LCLAT1: variants seen among roughly 807,000 people sequenced by gnomAD.
The protein encoded by LCLAT1 is 1-AGP acyltransferase 8.
A neutral mutation model predicts 30.7 loss-of-function variants in LCLAT1; 11 were observed. That is an observed-to-expected ratio of 0.36 (90% CI 0.23 to 0.59). The LOEUF (loss-of-function observed/expected upper bound fraction) is 0.59, where lower values mean the gene tolerates loss of function less well. Among genes scored for constraint, LCLAT1 ranks in the 20% least tolerant of loss-of-function variants. LCLAT1 has a pLI of 0.77. For missense variants in LCLAT1, 402 were observed against 458.6 expected (o/e 0.88, Z 1.13); for synonymous variants, 155 against 151.3 (o/e 1.02, Z -0.18).
chr2:30,516,256 A>G (rs1292357279), intron 1 of LCLAT1, among the ~76,000 whole-genome samples: 2 of 152,144 alleles, frequency 1.3e-5, no homozygotes, highest in South Asian at 2.1e-4. Flanking sequence ...TTTTCACTCT[A>G]TTAAATCTTG....
chr2:30,603,050 A>T (rs1022823477), intron 5 of LCLAT1, among the ~76,000 whole-genome samples: 1 of 152,198 alleles, frequency 6.6e-6, no homozygotes, highest in Non-Finnish European at 1.5e-5. Context: ...GTAAATGAGG[A>T]TAATAAAGCT....
At chr2:30,482,093 G>C (rs573312866) in intron 1 of LCLAT1, among the ~76,000 whole-genome samples, 43 of 152,252 alleles carry the variant, frequency 2.8e-4, no homozygotes, top group Middle Eastern at 3.4e-3. Context: ...TATAAGCCTT[G>C]AAAGTTATGC....
At chr2:30,559,778 A>G (rs1665106695) in intron 3 of LCLAT1, among the ~76,000 whole-genome samples, 1 of 152,174 alleles carries the variant, frequency 6.6e-6, no homozygotes, top group South Asian at 2.1e-4. Context: ...GGCTCTTGCA[A>G]GTTAATTAGG....
At chr2:30,540,071 G>A (rs574256190) in intron 3 of LCLAT1, among the ~76,000 whole-genome samples, 43 of 152,274 alleles carry the variant, frequency 2.8e-4, no homozygotes, top group Non-Finnish European at 5.3e-4. Context: ...ACAAAGAGTT[G>A]TATACAGAAA....
At chr2:30,518,359 T>C (rs1372446259) in intron 1 of LCLAT1, among the ~76,000 whole-genome samples, 1 of 152,140 alleles carries the variant, frequency 6.6e-6, no homozygotes, top group Non-Finnish European at 1.5e-5. Context: ...TATTCAGTAA[T>C]TGATAGGAAA....
At chr2:30,593,631 C>T (rs978748588) in intron 5 of LCLAT1, among the ~76,000 whole-genome samples, 9 of 152,046 alleles carry the variant, frequency 5.9e-5, no homozygotes, top group Admixed American at 3.9e-4. Flanking sequence ...CTGCAAATTG[C>T]TTTGGGTAAT....
chr2:30,634,090 A>C (rs118130456), intron 5 of LCLAT1, among the ~76,000 whole-genome samples: 3 of 152,338 alleles, frequency 2.0e-5, no homozygotes, highest in East Asian at 3.9e-4. Context: ...TGAATAAAGT[A>C]CTCAAGATTT....
chr2:30,525,990 A>G (rs1305567598), intron 2 of LCLAT1, among the ~76,000 whole-genome samples: 1 of 152,164 alleles, frequency 6.6e-6, no homozygotes. Context: ...GACAGGGAAA[A>G]AAAATCTGTG....
chr2:30,469,274 T>C (rs1682640990), intron 1 of LCLAT1, among the ~76,000 whole-genome samples: 1 of 152,072 alleles, frequency 6.6e-6, no homozygotes, highest in South Asian at 2.1e-4. Flanking sequence ...TTTTCTTTTG[T>C]TGCTCATGTT....
intron 3 of LCLAT1, among the ~76,000 whole-genome samples, chr2:30,555,898 C>T (rs990371589): frequency 6.9e-5 from 10 of 144,988 alleles, no homozygotes; most frequent in African/African-American, 1.3e-4. Context: ...AGTGCACTGG[C>T]GCGATCTGGG....
intron 1 of LCLAT1, among the ~76,000 whole-genome samples, chr2:30,477,348 C>T (rs1388215570): frequency 6.6e-6 from 1 of 152,064 alleles, no homozygotes; most frequent in Non-Finnish European, 1.5e-5. Flanking sequence ...CAGGTTAGTG[C>T]TTGTTGTTTG....
intron 5 of LCLAT1, among the ~76,000 whole-genome samples, chr2:30,584,140 A>G (rs1034121899): frequency 4.0e-5 from 6 of 151,442 alleles, no homozygotes; most frequent in Non-Finnish European, 5.9e-5. Flanking sequence ...TTTTATTTCT[A>G]TTTGTGGCCA....
At chr2:30,493,122 G>C (rs752328617) in intron 1 of LCLAT1, among the ~76,000 whole-genome samples, 1 of 152,140 alleles carries the variant, frequency 6.6e-6, no homozygotes, top group Non-Finnish European at 1.5e-5. Context: ...GTAATGTCAG[G>C]CACACATGTG....
intron 1 of LCLAT1, among the ~76,000 whole-genome samples, chr2:30,499,214 T>C (rs560792835): frequency 6.6e-6 from 1 of 152,176 alleles, no homozygotes; most frequent in Non-Finnish European, 1.5e-5. Flanking sequence ...AGTTTCGCTC[T>C]TATCGCCCAG....
chr2:30,640,806 T>A lies in LCLAT1; in HGVS notation c.*187T>A. 1.5e-6 allele frequency: 1 copy of A among 657,538 alleles called. No individual in the cohort carries two copies. The highest frequency in any genetic ancestry group is 2.5e-6 in the Non-Finnish European group (1 of 402,106). 40.7% of individuals were successfully genotyped at this position (657,538 alleles called of 1,614,324 possible). A position where few individuals can be genotyped will look rare whatever the true frequency, so the allele number is the denominator to read the frequency against. On this transcript the variant is annotated 3_prime_UTR_variant, in exon 6 of 6. Coordinates refer to ENST00000379509, the MANE Select transcript of LCLAT1 (RefSeq NM_001002257.3). Reference sequence around the variant, plus strand: ...TACAATTTTTTTTAATCTCTGAATGTAATTTCGATACTGTGTACATAGCAG... The same window carrying A: ...TACAATTTTTTTTAATCTCTGAATGAAATTTCGATACTGTGTACATAGCAG...
At chr2:30,497,578 T>TC (rs1389966939) in intron 1 of LCLAT1, among the ~76,000 whole-genome samples, 1 of 152,242 alleles carries the variant, frequency 6.6e-6, no homozygotes, top group African/African-American at 2.4e-5. Flanking sequence ...CAGATTTTTT[T>TC]CTCATTCACT....
At chr2:30,638,204 T>TA (rs566963879) in intron 5 of LCLAT1, among the ~76,000 whole-genome samples, 2 of 152,318 alleles carry the variant, frequency 1.3e-5, no homozygotes, top group Non-Finnish European at 2.9e-5. Flanking sequence ...AATCATTTTT[T>TA]AAAAAGTGAA....
At chr2:30,552,197 T>C (rs531083412) in intron 3 of LCLAT1, among the ~76,000 whole-genome samples, 1 of 152,338 alleles carries the variant, frequency 6.6e-6, no homozygotes, top group South Asian at 2.1e-4. Context: ...ATTGGTCAAA[T>C]TTCCAATCTC....
chr2:30,486,271 A>G (rs1225433249), intron 1 of LCLAT1, among the ~76,000 whole-genome samples: 1 of 152,238 alleles, frequency 6.6e-6, no homozygotes, highest in African/African-American at 2.4e-5. Flanking sequence ...AAATTAAAGC[A>G]TTAAATTTTT....
Sources: allele counts gnomAD v4.1 joint callset (sites outside exome capture counted in the v4.1 genomes callset), GRCh38; gene constraint gnomAD v4.1.1; transcripts MANE v1.5; gene names NCBI Gene and HGNC (gene_info 2026-07-23, HGNC 2026-07-21).